CNBD1: variants seen among roughly 807,000 people sequenced by gnomAD.
CNBD1 encodes the protein cyclic nucleotide-binding domain-containing protein 1.
CNBD1 carries 71 observed loss-of-function variants against 54.4 expected under a neutral mutation model. That is an observed-to-expected ratio of 1.30 (90% CI 1.08 to 1.59). The LOEUF (loss-of-function observed/expected upper bound fraction) is 1.59. Ranked by LOEUF, CNBD1 falls within the 40% of genes most tolerant of loss-of-function variation. The pLI is 0.00. For missense variants in CNBD1, 659 were observed against 518.0 expected, an observed-to-expected ratio of 1.27 and a Z score of -2.64; for synonymous variants, 182 against 170.7, an observed-to-expected ratio of 1.07 and a Z score of -0.51.
intron 4 of CNBD1, among the ~76,000 whole-genome samples, chr8:86,972,423 G>C (rs182369967): frequency 1.0e-3 from 152 of 152,232 alleles, no homozygotes; most frequent in African/African-American, 3.3e-3. Context: ...AAAAAGTCTT[G>C]AGTTGAAAAT....
In CNBD1 at chr8:87,094,828, A is replaced by C. The variant is rs554334107; in HGVS notation, c.432-111165A>C. The stretch of plus-strand genomic sequence containing the variant: ...CGAGGCAGGTGGATCACCTGAGGTC[A>C]GGAGTTCAAGACCAGCCTGGCCAAC... On this transcript the variant is annotated intron_variant, in intron 4 of 10. Coordinates refer to ENST00000518476, the MANE Select transcript of CNBD1 (RefSeq NM_173538.3). Among the ~76,000 whole-genome samples, 481 of 152,350 alleles carry C rather than the reference A, an allele frequency of 3.2e-3. 4 individuals carry two copies. Among genetic ancestry groups the C allele is most frequent in the Non-Finnish European group, 3.9e-3 (267 of 68,038 alleles).
chr8:87,306,978 C>G (rs1809165122), intron 8 of CNBD1, among the ~76,000 whole-genome samples: 1 of 151,978 alleles, frequency 6.6e-6, no homozygotes, highest in Non-Finnish European at 1.5e-5. Context: ...ATAACTATAT[C>G]TGAAATAAAT....
chr8:87,388,522 A>G (rs62528165), intron 2 of CNBD1, among the ~76,000 whole-genome samples: 6,642 of 152,278 alleles, frequency 0.044, 188 homozygotes, highest in Non-Finnish European at 0.06. Context: ...AAATTCCTCG[A>G]CACATACACA....
At chr8:87,195,134 C>T (rs1813690324) in intron 4 of CNBD1, among the ~76,000 whole-genome samples, 1 of 151,820 alleles carries the variant, frequency 6.6e-6, no homozygotes, top group Admixed American at 6.6e-5. Flanking sequence ...CCACCCACCT[C>T]AGCATCCCAA....
At chr8:87,036,960 T>C (rs1349458413) in intron 4 of CNBD1, among the ~76,000 whole-genome samples, 1 of 152,218 alleles carries the variant, frequency 6.6e-6, no homozygotes, top group East Asian at 1.9e-4. Context: ...CAAACCTTTT[T>C]GGCAAATGAT....
chr8:87,314,185 A>AAATGTG (rs1446553071), intron 8 of CNBD1, among the ~76,000 whole-genome samples: 69 of 152,120 alleles, frequency 4.5e-4, no homozygotes, highest in Admixed American at 1.0e-3. Context: ...TATGGATCTA[A>AAATGTG]AATGTGAATA....
At chr8:87,415,415 T>G (rs1316499880) in intron 2 of CNBD1, among the ~76,000 whole-genome samples, 1 of 152,084 alleles carries the variant, frequency 6.6e-6, no homozygotes, top group Admixed American at 6.6e-5. Context: ...CATATATTGC[T>G]CTGTGTTAGG....
At chr8:87,239,580 T>C (rs1318432920) in intron 6 of CNBD1, among the ~76,000 whole-genome samples, 2 of 152,182 alleles carry the variant, frequency 1.3e-5, no homozygotes, top group East Asian at 1.9e-4. Flanking sequence ...AAAAAAGTTA[T>C]AACATTTTCA....
chr8:87,310,182 C>G (rs1809235439), intron 8 of CNBD1, among the ~76,000 whole-genome samples: 2 of 151,908 alleles, frequency 1.3e-5, no homozygotes, highest in Non-Finnish European at 2.9e-5. Flanking sequence ...TAGTGAGACT[C>G]CATCTCTACA....
At chr8:86,958,238 T>C (rs1272476054) in intron 4 of CNBD1, among the ~76,000 whole-genome samples, 3 of 152,318 alleles carry the variant, frequency 2.0e-5, no homozygotes, top group South Asian at 2.1e-4. Flanking sequence ...TGAGGAGTGC[T>C]TTACTTCCTA....
At chr8:87,038,060 G>A (rs1238464868) in intron 4 of CNBD1, among the ~76,000 whole-genome samples, 1 of 152,154 alleles carries the variant, frequency 6.6e-6, no homozygotes, top group Non-Finnish European at 1.5e-5. Context: ...CTCACAGTTT[G>A]ACTTGCACTT....
intron 4 of CNBD1, among the ~76,000 whole-genome samples, chr8:87,067,376 A>G (rs912212563): frequency 3.3e-5 from 5 of 152,062 alleles, no homozygotes; most frequent in Admixed American, 1.3e-4. Context: ...ACTTATTCTC[A>G]TGGCAGCCTT....
chr8:87,110,625 G>T (rs750381114), intron 4 of CNBD1, among the ~76,000 whole-genome samples: 2 of 152,190 alleles, frequency 1.3e-5, no homozygotes, highest in African/African-American at 2.4e-5. Flanking sequence ...GGAGCATGTT[G>T]CTGACCAAGG....
chr8:87,363,989 T>C (rs115840335), intron 10 of CNBD1, among the ~76,000 whole-genome samples: 2,821 of 151,638 alleles, frequency 0.019, 89 homozygotes, highest in African/African-American at 0.062. Context: ...TTTAAACGAA[T>C]GAAAAAGTTT....
intron 8 of CNBD1, among the ~76,000 whole-genome samples, chr8:87,307,793 T>G (rs1280267798): frequency 6.7e-6 from 1 of 150,338 alleles, no homozygotes; most frequent in Non-Finnish European, 1.5e-5. Flanking sequence ...GCAAGAAAGC[T>G]TCATGGATTC....
chr8:86,957,924 G>T (rs1224920878), intron 4 of CNBD1, among the ~76,000 whole-genome samples: 1 of 151,968 alleles, frequency 6.6e-6, no homozygotes, highest in African/African-American at 2.4e-5. Context: ...GTGAAGTTAG[G>T]GTGTCAATTT....
chr8:87,367,362 A>G (rs1025287650), intron 10 of CNBD1, among the ~76,000 whole-genome samples: 5 of 152,044 alleles, frequency 3.3e-5, no homozygotes, highest in African/African-American at 7.2e-5. Flanking sequence ...CTTTTTGAAG[A>G]TCCCCTCTTT....
intron 4 of CNBD1, among the ~76,000 whole-genome samples, chr8:87,105,381 A>G (rs959314832): frequency 6.6e-6 from 1 of 152,246 alleles, no homozygotes; most frequent in Non-Finnish European, 1.5e-5. Context: ...CACAAAATAT[A>G]GAAGACATGG....
chr8:86,940,578 A>C (rs1356854965), intron 4 of CNBD1, among the ~76,000 whole-genome samples: 6 of 152,174 alleles, frequency 3.9e-5, no homozygotes, highest in Admixed American at 3.9e-4. Flanking sequence ...ATTACCAAAG[A>C]TGGTATTGGA....
Sources: allele counts gnomAD v4.1 joint callset (sites outside exome capture counted in the v4.1 genomes callset), GRCh38; gene constraint gnomAD v4.1.1; transcripts MANE v1.5; gene names NCBI Gene and HGNC (gene_info 2026-07-23, HGNC 2026-07-21).